Variants in EPC1 observed in about 807,000 individuals in gnomAD.
EPC1 encodes the protein enhancer of polycomb homolog 1.
Under a neutral mutation model 98.4 loss-of-function variants are expected in EPC1, and 12 were observed. That is an observed-to-expected ratio of 0.12 (90% CI 0.08 to 0.20). The LOEUF (loss-of-function observed/expected upper bound fraction) is 0.20, where lower values mean the gene tolerates loss of function less well. Among genes scored for constraint, EPC1 ranks in the 10% least tolerant of loss-of-function variants. The pLI is 1.00. For missense variants in EPC1, 729 were observed against 990.5 expected (o/e 0.74, Z 3.54); for synonymous variants, 357 against 363.9 (o/e 0.98, Z 0.21).
At chr10:32,335,266 C>T (rs936916430) in intron 1 of EPC1, among the ~76,000 whole-genome samples, 2 of 152,160 alleles carry the variant, frequency 1.3e-5, no homozygotes, top group Non-Finnish European at 2.9e-5. Flanking sequence ...ACCACCCTGG[C>T]TCTCATCACC....
At chr10:32,330,963 G>A (rs1415443881) in intron 1 of EPC1, among the ~76,000 whole-genome samples, 1 of 151,992 alleles carries the variant, frequency 6.6e-6, no homozygotes, top group South Asian at 2.1e-4. Flanking sequence ...CAGTGTAAAA[G>A]TTCGAACGTA....
intron 2 of EPC1, among the ~76,000 whole-genome samples, chr10:32,299,958 A>G (rs2490512): frequency 0.85 from 129,214 of 151,762 alleles, 55,113 homozygotes; most frequent in East Asian, 0.96. Flanking sequence ...CTGTTGCCCA[A>G]GATGGAGTGC....
chr10:32,293,253 T>C (rs1437622948), intron 3 of EPC1, 59 bp from the exon 4 acceptor site: 2 of 1,289,976 alleles, frequency 1.6e-6, no homozygotes, highest in African/African-American at 1.5e-5. Flanking sequence ...TCATAAGTAT[T>C]TACTTCTAAA....
At chr10:32,353,950 A>G (rs1191615801) in intron 1 of EPC1, among the ~76,000 whole-genome samples, 1 of 152,178 alleles carries the variant, frequency 6.6e-6, no homozygotes, top group Non-Finnish European at 1.5e-5. Context: ...CCTTTATAGT[A>G]TGTTGTTTTT....
chr10:32,305,982 A>G, intron 1 of EPC1, 51 bp from the exon 2 acceptor site: 1 of 1,491,650 alleles, frequency 6.7e-7, no homozygotes, highest in Non-Finnish European at 8.9e-7. Context: ...AAAGCAGTAA[A>G]CAGATCATAT....
intron 1 of EPC1, among the ~76,000 whole-genome samples, chr10:32,364,888 T>A (rs1340018688): frequency 6.9e-6 from 1 of 144,532 alleles, no homozygotes; most frequent in Non-Finnish European, 1.5e-5. Context: ...TCTTAAAATA[T>A]TACGAGAATT....
intron 1 of EPC1, among the ~76,000 whole-genome samples, chr10:32,344,417 G>GAA (rs11361232): frequency 2.1e-5 from 3 of 145,818 alleles, no homozygotes; most frequent in African/African-American, 7.6e-5. Flanking sequence ...GCAATCTGAA[G>GAA]AAAAAAAAAA....
chr10:32,272,135 A>C lies in EPC1; in HGVS notation c.1896T>G (p.Ser632Arg), dbSNP rs756761827. The C allele has an allele frequency of 6.2e-7, 1 of 1,612,280 alleles. No homozygotes were observed. Among genetic ancestry groups the C allele is most frequent in the Admixed American group, 1.7e-5 (1 of 59,480 alleles). ...CCAAAGCAGAAGCAGCAAACTGTGC[A>C]CTAGCAGAATCCAAAGTCTTAGAAA... ...GFVSKTLDSASAQFAASALVT... is the reference protein window; with the variant it reads ...GFVSKTLDSARAQFAASALVT... The change falls in exon 12 of 14, where the codon AGT becomes AGG. Residue 632 changes from serine to arginine, a missense_variant. By Grantham distance (110) the Ser-to-Arg change is moderately radical. Transcript: ENST00000319778.
chr10:32,367,354 A>G (rs1839631147), intron 1 of EPC1, among the ~76,000 whole-genome samples: 1 of 152,202 alleles, frequency 6.6e-6, no homozygotes, highest in East Asian at 1.9e-4. Context: ...AAACTTTTTT[A>G]AAACAATAGC....
At chr10:32,302,146 G>A (rs774825512) in intron 2 of EPC1, among the ~76,000 whole-genome samples, 18 of 151,700 alleles carry the variant, frequency 1.2e-4, no homozygotes, top group African/African-American at 3.2e-4. Flanking sequence ...GGTGGCATGC[G>A]CCTGTGGTCC....
intron 1 of EPC1, among the ~76,000 whole-genome samples, chr10:32,361,794 G>A (rs796789097): frequency 3.9e-5 from 6 of 152,326 alleles, no homozygotes; most frequent in African/African-American, 1.4e-4. Context: ...AAATGAGGCT[G>A]AGACCTACTG....
At chr10:32,356,003 T>C (rs1176176132) in intron 1 of EPC1, among the ~76,000 whole-genome samples, 1 of 151,634 alleles carries the variant, frequency 6.6e-6, no homozygotes, top group African/African-American at 2.4e-5. Context: ...TGGTACATGA[T>C]GGGTGAAGGA....
At chr10:32,352,656 T>C (rs576711040) in intron 1 of EPC1, among the ~76,000 whole-genome samples, 1 of 152,190 alleles carries the variant, frequency 6.6e-6, no homozygotes, top group Non-Finnish European at 1.5e-5. Flanking sequence ...CTTTCTCATC[T>C]CTGAGCTCCT....
chr10:32,291,187 A>G lies in EPC1; in HGVS notation c.951T>C (p.Asp317=). ...SSQFKHQEAM[D]VKEFKVNKQD... Reference sequence around the variant, plus strand: ...CCTTATTAACTTTGAACTCCTTCACATCCATTGCTTCCTGGTGTTTAAATT... The same window carrying G: ...CCTTATTAACTTTGAACTCCTTCACGTCCATTGCTTCCTGGTGTTTAAATT... The change falls in exon 6 of 14, where the codon GAT becomes GAC. Residue 317 remains aspartate (D), a synonymous_variant. Coordinates refer to ENST00000319778, the MANE Select transcript of EPC1 (RefSeq NM_001272004.3). 1 of 1,613,820 alleles carries G rather than the reference A, an allele frequency of 6.2e-7. No individual in the cohort carries two copies. Among genetic ancestry groups the G allele is most frequent in the Non-Finnish European group, 8.5e-7 (1 of 1,179,736 alleles).
chr10:32,358,958 A>G (rs1475995617), intron 1 of EPC1, among the ~76,000 whole-genome samples: 2 of 152,210 alleles, frequency 1.3e-5, no homozygotes, highest in Non-Finnish European at 2.9e-5. Context: ...CCTCTTTAAG[A>G]TAGGTAGAGG....
chr10:32,352,548 C>G lies in EPC1; in HGVS notation c.3+25943G>C, dbSNP rs777739758. Among the ~76,000 whole-genome samples the G allele has an allele frequency of 3.3e-5, 5 of 152,126 alleles. No individual in the cohort carries two copies. In the East Asian group the frequency reaches 9.6e-4, roughly 29 times the overall value. On this transcript the variant is annotated intron_variant, in intron 1 of 13. Coordinates refer to the EPC1 transcript ENST00000375110. ...AAAATCCAGCTCAAATATCACCTCC[C>G]CCATGAAACATTGACTACTTAAACT...
intron 6 of EPC1, among the ~76,000 whole-genome samples, chr10:32,287,653 T>C (rs557841816): frequency 6.6e-6 from 1 of 152,302 alleles, no homozygotes; most frequent in East Asian, 1.9e-4. Context: ...GTCTAATCCT[T>C]ATTCTCAACA....
intron 1 of EPC1, 21 bp downstream of exon 1, chr10:32,346,742 G>C (rs374914154): frequency 3.1e-6 from 5 of 1,611,320 alleles, no homozygotes; most frequent in Non-Finnish European, 4.2e-6. Context: ...CGGTGGGTCG[G>C]ACAGGGGAGT....
chr10:32,355,448 G>T (rs1592634363), intron 1 of EPC1, among the ~76,000 whole-genome samples: 2 of 152,124 alleles, frequency 1.3e-5, no homozygotes, highest in East Asian at 3.9e-4. Context: ...ATATTTGGTG[G>T]TATTTATCTA....
Sources: allele counts gnomAD v4.1 joint callset (sites outside exome capture counted in the v4.1 genomes callset), GRCh38; gene constraint gnomAD v4.1.1; transcripts MANE v1.5; gene names NCBI Gene and HGNC (gene_info 2026-07-23, HGNC 2026-07-21).